DPY19L1: variants seen among roughly 807,000 people sequenced by gnomAD.
DPY19L1 encodes protein C-mannosyl-transferase DPY19L1.
A neutral mutation model predicts 96.9 loss-of-function variants in DPY19L1; 35 were observed. The observed-to-expected ratio is 0.36, with a 90% CI of 0.28 to 0.48. The LOEUF (loss-of-function observed/expected upper bound fraction) is 0.48. Ranked by LOEUF, DPY19L1 falls within the 20% of genes least tolerant of loss-of-function variation. The pLI is 0.99. For synonymous variants in DPY19L1, 205 were observed against 252.6 expected (o/e 0.81, Z 1.79); for missense variants, 521 against 777.9 (o/e 0.67, Z 3.93).
intron 8 of DPY19L1, among the ~76,000 whole-genome samples, chr7:34,970,826 C>T (rs1784709887): frequency 8.3e-6 from 1 of 120,126 alleles, no homozygotes; most frequent in South Asian, 2.7e-4. Flanking sequence ...GAAATGGAAA[C>T]ATAAATATTG....
chr7:34,963,818 T>C (rs1029169891), intron 10 of DPY19L1, among the ~76,000 whole-genome samples: 7 of 152,156 alleles, frequency 4.6e-5, no homozygotes, highest in South Asian at 4.1e-4. Context: ...AGTAGGCTAA[T>C]TGAAATAGGC....
intron 8 of DPY19L1, among the ~76,000 whole-genome samples, chr7:34,972,920 T>C (rs1456103362): frequency 2.0e-5 from 3 of 152,196 alleles, no homozygotes; most frequent in Non-Finnish European, 2.9e-5. Flanking sequence ...GGGAAATAGA[T>C]TGCCCAAAGG....
At chr7:34,966,997 TAAAA>T (rs764832418) in intron 9 of DPY19L1, 26 bp from the exon 10 acceptor site, 2 of 1,462,386 alleles carry the variant, frequency 1.4e-6, no homozygotes, top group South Asian at 2.6e-5. Context: ...AAATTAGAAG[TAAAA>T]AAGATAAAAT....
chr7:34,994,372 A>T (rs1225100375), intron 6 of DPY19L1, among the ~76,000 whole-genome samples: 1 of 152,188 alleles, frequency 6.6e-6, no homozygotes, highest in Non-Finnish European at 1.5e-5. Flanking sequence ...TGAGTTTTTA[A>T]AAAAAATGAC....
At chr7:34,999,240 A>G (rs181166076) in intron 6 of DPY19L1, among the ~76,000 whole-genome samples, 91 of 152,300 alleles carry the variant, frequency 6.0e-4, no homozygotes, top group African/African-American at 2.2e-3. Context: ...GCCACACACA[A>G]AAGGAACTAA....
At chr7:34,955,408 T>C (rs759707761) in intron 11 of DPY19L1, 41 bp from the exon 12 acceptor site, 1 of 1,587,040 alleles carries the variant, frequency 6.3e-7, no homozygotes, top group Non-Finnish European at 8.6e-7. Context: ...AGTTAATACT[T>C]ATAGACATAA....
Position 34,983,408 on chromosome 7 carries a change from A to G in DPY19L1, c.822+6476T>C, listed in dbSNP as rs538366715. Among the ~76,000 whole-genome samples the G allele has an allele frequency of 4.3e-4, 65 of 152,214 alleles. 1 individual carries two copies. The South Asian group carries it at 0.013, about 31-fold the overall frequency. On this transcript the variant is annotated intron_variant, in intron 7 of 21. Transcript: ENST00000638088. ...ATTTTAAAACGTATAGAAAAATATT[A>G]GTGAGATGAAGAGGCAGGAAATTTC...
At chr7:34,944,441 C>A (rs992367741) in intron 16 of DPY19L1, among the ~76,000 whole-genome samples, 2 of 151,412 alleles carry the variant, frequency 1.3e-5, no homozygotes, top group South Asian at 2.1e-4. Flanking sequence ...CCTTCTCCCC[C>A]CAAAATCCCA....
rs563759075 is a variant in DPY19L1 at position 35,030,112 on chromosome 7, C to T, written c.298+6985G>A. On this transcript the variant is annotated intron_variant, in intron 1 of 21. Coordinates refer to ENST00000638088, the MANE Select transcript of DPY19L1 (RefSeq NM_001366673.1). ...AACAACAACAACTTTTTAAACTTAG[C>T]GGAAAACAATTACATAAGAACTTTA... Among the ~76,000 whole-genome samples the T allele has an allele frequency of 2.0e-4, 31 of 152,182 alleles. 1 individual carries two copies. Among genetic ancestry groups the T allele is most frequent in the East Asian group, 3.9e-4 (2 of 5,174 alleles).
In DPY19L1 at chr7:35,017,939, G is replaced by A. The variant is rs773640124; in HGVS notation, c.354C>T (p.Asp118=). The change falls in exon 3 of 22, where the codon GAC becomes GAT. Residue 118 remains aspartate, a synonymous_variant. Transcript: ENST00000638088. ...WSHITHLFEN[D]RHFSHLSTLE... is the part of the protein sequence containing the mutation. ...ATGTTGAGAGGTGAGAAAAATGACG[G>A]TCATTTTCAAAGAGGTGTGTTATAT... 6.2e-7 allele frequency: 1 copy of A among 1,604,752 alleles called. No homozygotes were observed. The highest frequency in any genetic ancestry group is 2.3e-5 in the East Asian group (1 of 44,378).
intron 21 of DPY19L1, among the ~76,000 whole-genome samples, chr7:34,937,332 C>T (rs1296938456): frequency 6.6e-6 from 1 of 152,168 alleles, no homozygotes; most frequent in African/African-American, 2.4e-5. Flanking sequence ...TCCCATCCAT[C>T]GACAGGACAT....
At chr7:34,968,756 A>G (rs1784661896) in intron 9 of DPY19L1, among the ~76,000 whole-genome samples, 1 of 139,770 alleles carries the variant, frequency 7.2e-6, no homozygotes, top group African/African-American at 2.7e-5. Flanking sequence ...GCGACAGAGA[A>G]AGACTCCATC....
chr7:34,939,053 G>A, intron 20 of DPY19L1: 1 of 428,012 alleles, frequency 2.3e-6, no homozygotes. Context: ...TTATATGCCT[G>A]GTAGAGAAGA....
intron 7 of DPY19L1, among the ~76,000 whole-genome samples, chr7:34,987,663 C>T (rs1785079900): frequency 6.6e-6 from 1 of 151,982 alleles, no homozygotes; most frequent in Non-Finnish European, 1.5e-5. Flanking sequence ...AACCCAGTGG[C>T]ATTTCCAGTG....
At chr7:34,979,579 C>T (rs1425680929) in intron 7 of DPY19L1, among the ~76,000 whole-genome samples, 2 of 151,992 alleles carry the variant, frequency 1.3e-5, no homozygotes, top group Non-Finnish European at 2.9e-5. Context: ...TTGGTAATGA[C>T]ATTAGTGTAG....
intron 18 of DPY19L1, among the ~76,000 whole-genome samples, chr7:34,941,112 C>G (rs1437762735): frequency 6.6e-5 from 10 of 152,136 alleles, no homozygotes; most frequent in Non-Finnish European, 1.5e-5. Context: ...TTTGACTTTT[C>G]TGTCTACTAC....
chr7:35,024,664 A>G (rs1284464248), intron 1 of DPY19L1, among the ~76,000 whole-genome samples: 2 of 152,176 alleles, frequency 1.3e-5, no homozygotes, highest in Admixed American at 1.3e-4. Context: ...TAAAACCCCA[A>G]GTGCTTTAAT....
intron 4 of DPY19L1, 109 bp from the exon 5 acceptor site, chr7:35,011,559 A>C: frequency 9.6e-7 from 1 of 1,045,052 alleles, no homozygotes; most frequent in Non-Finnish European, 1.4e-6. Flanking sequence ...TTTCCATACC[A>C]TCCACTTGGC....
intron 10 of DPY19L1, among the ~76,000 whole-genome samples, chr7:34,959,274 A>T (rs1341854159): frequency 6.6e-6 from 1 of 152,206 alleles, no homozygotes. Context: ...TGGGAGTATA[A>T]ATTAGTTCAA....
Sources: gnomAD v4.1 joint callset for allele counts (sites outside exome capture counted in the v4.1 genomes callset) on GRCh38, gnomAD v4.1.1 for gene constraint, MANE v1.5 for transcripts, NCBI Gene and HGNC (gene_info 2026-07-23, HGNC 2026-07-21) for gene names.